Variants in CCDC92B observed in about 807,000 individuals in gnomAD.
The protein encoded by CCDC92B is coiled-coil domain-containing 92B.
In CCDC92B, 2 loss-of-function variants were observed where a neutral mutation model predicts 5.6. The observed-to-expected ratio is 0.36, with a 90% confidence interval of 0.15 to 1.12. The LOEUF (loss-of-function observed/expected upper bound fraction) is 1.12, where lower values mean the gene tolerates loss of function less well. CCDC92B is among the 50% of genes most tolerant of loss of function. CCDC92B has a pLI of 0.40. For synonymous variants in CCDC92B, 115 were observed against 122.3 expected, an observed-to-expected ratio of 0.94 and a Z score of 0.39; for missense variants, 271 against 262.2, an observed-to-expected ratio of 1.03 and a Z score of -0.23.
At chr17:2,732,767 A>G (rs1294136608) in intron 2 of CCDC92B, among the ~76,000 whole-genome samples, 9 of 151,672 alleles carry the variant, frequency 5.9e-5, no homozygotes, top group Non-Finnish European at 1.3e-4. Flanking sequence ...TAATCTCAGC[A>G]CTTTGGGAGG....
chr17:2,742,169 T>G (rs1382207335), intron 1 of CCDC92B, among the ~76,000 whole-genome samples: 7 of 151,600 alleles, frequency 4.6e-5, no homozygotes, highest in Non-Finnish European at 1.0e-4. Flanking sequence ...ACTCCCAGGT[T>G]CATGCTGAGA....
intron 2 of CCDC92B, among the ~76,000 whole-genome samples, chr17:2,731,160 G>C (rs866129372): frequency 6.6e-6 from 1 of 152,192 alleles, no homozygotes; most frequent in Non-Finnish European, 1.5e-5. Context: ...TGGCACTGAG[G>C]GGGTGGAGCG....
intron 1 of CCDC92B, among the ~76,000 whole-genome samples, chr17:2,739,097 A>ATGG (rs2070891590): frequency 6.9e-6 from 1 of 145,922 alleles, no homozygotes; most frequent in Non-Finnish European, 1.5e-5. Flanking sequence ...GGCGGGCGCA[A>ATGG]TGGCTCACGC....
intron 1 of CCDC92B, among the ~76,000 whole-genome samples, chr17:2,740,404 G>A (rs889839076): frequency 6.6e-6 from 1 of 152,084 alleles, no homozygotes; most frequent in Non-Finnish European, 1.5e-5. Flanking sequence ...GTTTATGCCT[G>A]TAATCTCAGC....
chr17:2,724,407 G>C lies in CCDC92B; in HGVS notation c.*4C>G. 2.0e-6 allele frequency: 2 copies of C among 984,940 alleles called. No individual in the cohort carries two copies. The highest frequency in any genetic ancestry group is 2.4e-6 in the Non-Finnish European group (2 of 829,784). The allele number at this position is 984,940 out of a possible 1,614,324, so 61.0% of individuals were successfully genotyped here. ...GTCCCGCGTCACCCCGGCCAGCCTGGCGCCTACTCCGGGTCCCCGGGCGCG... is the reference window on the plus strand; with the variant it reads ...GTCCCGCGTCACCCCGGCCAGCCTGCCGCCTACTCCGGGTCCCCGGGCGCG... On this transcript the variant is annotated 3_prime_UTR_variant, in exon 4 of 4. Transcript: ENST00000614400. This position sits in a 1 kb window ranked among gnomAD's most constrained non-coding sequence, Gnocchi z 5.0.
chr17:2,725,803 AAG>A (rs1446152436), intron 3 of CCDC92B, among the ~76,000 whole-genome samples: 1 of 151,820 alleles, frequency 6.6e-6, no homozygotes, highest in Admixed American at 6.6e-5. Context: ...TTCCCAGCAG[AAG>A]AGACTTGAGC....
intron 1 of CCDC92B, among the ~76,000 whole-genome samples, chr17:2,745,086 A>T (rs2151745847): frequency 6.7e-6 from 1 of 150,002 alleles, no homozygotes; most frequent in African/African-American, 2.5e-5. Context: ...AAAAAAAAAA[A>T]AAAAGATAAA....
intron 3 of CCDC92B, among the ~76,000 whole-genome samples, chr17:2,729,509 A>AAT (rs1247367556): frequency 6.6e-6 from 1 of 151,692 alleles, no homozygotes; most frequent in Admixed American, 6.6e-5. Flanking sequence ...AAAAAAAAAA[A>AAT]AAAAATTACT....
chr17:2,745,066 C>CAAAAAAAAAAAAAA (rs60179555), intron 1 of CCDC92B, among the ~76,000 whole-genome samples: 1 of 79,340 alleles, frequency 1.3e-5, no homozygotes, highest in Non-Finnish European at 2.3e-5. Context: ...GACCCTGTCT[C>CAAAAAAAAAAAAAA]AAAAAAAAAA....
chr17:2,747,849 A>G (rs1181188070), intron 1 of CCDC92B, among the ~76,000 whole-genome samples: 2 of 152,246 alleles, frequency 1.3e-5, no homozygotes, highest in Non-Finnish European at 2.9e-5. Flanking sequence ...ACATGGCATC[A>G]ATGCATAAAT....
chr17:2,748,233 A>C, intron 1 of CCDC92B: 1 of 697,690 alleles, frequency 1.4e-6, no homozygotes, highest in Non-Finnish European at 2.4e-6. Context: ...CCCCTCACTT[A>C]CTATATCCAC....
Position 2,739,143 on chromosome 17 carries a change from G to A in CCDC92B, c.-23-3975C>T, listed in dbSNP as rs553511467. Among the ~76,000 whole-genome samples, 316 of 150,330 alleles carry A rather than the reference G, an allele frequency of 2.1e-3. 16 individuals are homozygous for A. In the South Asian group the frequency reaches 0.062, roughly 30 times the overall value. ...AGCACTTTGGGAGGCCAAGGTGGGC[G>A]GATCACGAGGTCAGGAGATCGAGAC... On this transcript the variant is annotated intron_variant, in intron 1 of 3. Coordinates refer to ENST00000614400, the MANE Select transcript of CCDC92B (RefSeq NM_001355573.2).
chr17:2,738,009 G>A (rs1166100698), intron 1 of CCDC92B, among the ~76,000 whole-genome samples: 1 of 151,898 alleles, frequency 6.6e-6, no homozygotes, highest in Non-Finnish European at 1.5e-5. Context: ...CAAGTCTTAC[G>A]AATCCAGAGA....
rs1035589277 is a variant in CCDC92B at position 2,721,858 on chromosome 17, G to A, written c.*2553C>T. On this transcript the variant is annotated 3_prime_UTR_variant, in exon 4 of 4. Coordinates refer to ENST00000614400, the MANE Select transcript of CCDC92B (RefSeq NM_001355573.2). ...ATCTGTGGTTGCTGGAAGAGGGATGGGAGTTGGGTGGAGCTGATGGGGTCA... is the reference window on the plus strand; with the variant it reads ...ATCTGTGGTTGCTGGAAGAGGGATGAGAGTTGGGTGGAGCTGATGGGGTCA... 2 of 152,274 alleles carry A rather than the reference G, an allele frequency of 1.3e-5. No individual in the cohort carries two copies. The highest frequency in any genetic ancestry group is 4.8e-5 in the African/African-American group (2 of 41,428). 9.4% of individuals were successfully genotyped at this position (152,274 alleles called of 1,614,324 possible).
At chr17:2,742,237 A>C (rs1297348550) in intron 1 of CCDC92B, among the ~76,000 whole-genome samples, 1 of 152,004 alleles carries the variant, frequency 6.6e-6, no homozygotes, top group Non-Finnish European at 1.5e-5. Context: ...GTGCCCGGCT[A>C]ATTTTTCACT....
chr17:2,721,093 C>T lies in CCDC92B; in HGVS notation c.*3318G>A, dbSNP rs924544607. 6.6e-6 allele frequency: 1 copy of T among 152,324 alleles called. No homozygotes were observed. The highest frequency in any genetic ancestry group is 2.4e-5 in the African/African-American group (1 of 41,456). 9.4% of individuals were successfully genotyped at this position (152,324 alleles called of 1,614,324 possible). On this transcript the variant is annotated 3_prime_UTR_variant, in exon 4 of 4. Coordinates refer to ENST00000614400, the MANE Select transcript of CCDC92B (RefSeq NM_001355573.2). ...CACCCTCTAGGCCTCCTTCCTCTCT[C>T]CACCAGGGGGGACGCCATCCTACTG...
intron 3 of CCDC92B, among the ~76,000 whole-genome samples, chr17:2,725,783 CAG>C (rs2070721601): frequency 6.6e-6 from 1 of 151,742 alleles, no homozygotes; most frequent in Non-Finnish European, 1.5e-5. Flanking sequence ...GTGACCTCAT[CAG>C]GGAAGTCTTC....
chr17:2,724,490 G>A lies in CCDC92B; in HGVS notation c.689C>T (p.Pro230Leu). ...LRPSARSPRQ[P>L]PPQEPPDRAG... Reference sequence around the variant, plus strand: ...TCGGTCCGGGGGCTCCTGGGGAGGCGGCTGGCGCGGGCTGCGGGCGCTGGG... The same window carrying A: ...TCGGTCCGGGGGCTCCTGGGGAGGCAGCTGGCGCGGGCTGCGGGCGCTGGG... The change falls in exon 4 of 4, where the codon CCG (proline) becomes CTG (leucine). Residue 230 changes from proline to leucine, a missense_variant. Transcript: ENST00000614400. The surrounding 1 kb of genome is among the most constrained non-coding windows in gnomAD (Gnocchi z 5.0). 1.0e-6 allele frequency: 1 copy of A among 981,080 alleles called. No individual in the cohort carries two copies. Among genetic ancestry groups the A allele is most frequent in the Non-Finnish European group, 1.2e-6 (1 of 827,092 alleles). The allele number at this position is 981,080 out of a possible 1,614,324, so 60.8% of individuals were successfully genotyped here.
intron 1 of CCDC92B, among the ~76,000 whole-genome samples, chr17:2,739,025 C>T (rs1311142754): frequency 2.6e-5 from 4 of 151,464 alleles, no homozygotes; most frequent in African/African-American, 7.3e-5. Flanking sequence ...GAGCTGAGAT[C>T]GAGCCACTGC....
Sources: allele counts gnomAD v4.1 joint callset (sites outside exome capture counted in the v4.1 genomes callset), GRCh38; gene constraint gnomAD v4.1.1; non-coding constraint Gnocchi (gnomAD v3.1); transcripts MANE v1.5; gene names NCBI Gene and HGNC (gene_info 2026-07-23, HGNC 2026-07-21).